The following EIF2B3 variants were observed in gnomAD, a reference collection of about 807,000 sequenced individuals.
The protein encoded by EIF2B3 is eukaryotic translation initiation factor 2B subunit gamma.
Under a neutral mutation model 54.1 loss-of-function variants are expected in EIF2B3, and 20 were observed. That is an observed-to-expected ratio of 0.37 (90% CI 0.26 to 0.54). The LOEUF (loss-of-function observed/expected upper bound fraction) is 0.54, where lower values mean the gene tolerates loss of function less well. EIF2B3 is among the 20% of genes least tolerant of loss of function. The probability of loss-of-function intolerance (pLI) is 0.86; values close to 1 mark genes in which losing one functional copy is unlikely to be tolerated. For synonymous variants in EIF2B3, 153 were observed against 188.1 expected (o/e 0.81, Z 1.52); for missense variants, 448 against 547.8 (o/e 0.82, Z 1.82).
At chr1:44,919,239 A>G (rs1338761731) in intron 5 of EIF2B3, among the ~76,000 whole-genome samples, 2 of 151,410 alleles carry the variant, frequency 1.3e-5, no homozygotes, top group East Asian at 3.9e-4. Flanking sequence ...AATCCCAACT[A>G]CTCGGGAGGC....
At chr1:44,852,648 G>A (rs1367974309) in intron 11 of EIF2B3, among the ~76,000 whole-genome samples, 2 of 151,908 alleles carry the variant, frequency 1.3e-5, no homozygotes, top group East Asian at 2.0e-4. Context: ...GCATGGTGGC[G>A]CATGCCTGTA....
At chr1:44,945,529 G>T (rs1644091239) in intron 3 of EIF2B3, among the ~76,000 whole-genome samples, 1 of 150,802 alleles carries the variant, frequency 6.6e-6, no homozygotes, top group African/African-American at 2.4e-5. Context: ...ACTCCAGCCT[G>T]GGTAACAGCG....
chr1:44,897,473 A>G (rs761034532), intron 5 of EIF2B3, 29 bp from the exon 6 acceptor site: 2 of 1,534,266 alleles, frequency 1.3e-6, no homozygotes, highest in Non-Finnish European at 1.8e-6. Context: ...TAAAAGAAAG[A>G]AAGAAGAGGC....
rs546285707 is a variant in EIF2B3, at chr1:44,982,148, A to G, written c.-9-971T>C. ...CAAACGTAGGCTTGTATCTGAACCT[A>G]GATTTACAGAACACAATTATAAAAA... On this transcript the variant is annotated intron_variant, in intron 1 of 11. Coordinates refer to ENST00000360403, the MANE Select transcript of EIF2B3 (RefSeq NM_020365.5). 1.7e-3 allele frequency among the ~76,000 whole-genome samples: 261 copies of G among 152,246 alleles called. 1 individual carries two copies. Among genetic ancestry groups the G allele is most frequent in the African/African-American group, 6.0e-3 (248 of 41,550 alleles).
At chr1:44,872,111 C>A (rs1198686268) in intron 10 of EIF2B3, among the ~76,000 whole-genome samples, 1 of 152,152 alleles carries the variant, frequency 6.6e-6, no homozygotes, top group African/African-American at 2.4e-5. Flanking sequence ...TGGCTCACTG[C>A]AGCCTTGACA....
At chr1:44,901,205 T>A (rs529899925) in intron 5 of EIF2B3, among the ~76,000 whole-genome samples, 2 of 151,656 alleles carry the variant, frequency 1.3e-5, no homozygotes, top group Non-Finnish European at 3.0e-5. Flanking sequence ...AACCCCTGCC[T>A]CCCAGGTTTA....
At chr1:44,925,667 C>A (rs1452020106) in intron 5 of EIF2B3, among the ~76,000 whole-genome samples, 3 of 152,212 alleles carry the variant, frequency 2.0e-5, no homozygotes, top group African/African-American at 7.2e-5. Flanking sequence ...TGGCTCACTC[C>A]TGTAATCCCC....
chr1:44,970,074 A>G (rs1172730336), intron 3 of EIF2B3: 1 of 152,172 alleles, frequency 6.6e-6, no homozygotes, highest in Non-Finnish European at 1.5e-5. Flanking sequence ...CCAGTAAATC[A>G]GTAAAATTGT....
rs776756653 is a variant in EIF2B3, at chr1:44,879,901, C to T, written c.892G>A (p.Val298Met). The T allele has an allele frequency of 2.8e-5, 46 of 1,614,082 alleles. No homozygotes were observed. Among genetic ancestry groups the T allele is most frequent in the Admixed American group, 3.3e-5 (2 of 59,994 alleles). Residue 298 changes from valine to methionine, a missense_variant, in exon 8 of 12, where the codon GTG becomes ATG. By Grantham distance (21) the Val-to-Met change is conservative (BLOSUM62 1). This residue lies in a region of EIF2B3 where 350 missense variants were observed against 414.2 expected (regional missense o/e 0.85). Coordinates refer to ENST00000360403, the MANE Select transcript of EIF2B3 (RefSeq NM_020365.5). Reference protein sequence around the residue: ...DRWEDLSRSQVRCYVHIMKEG... With the variant: ...DRWEDLSRSQMRCYVHIMKEG... The stretch of plus-strand genomic sequence containing the variant: ...TTCATGATGTGGACATAGCAGCGCA[C>T]CTGTGATCTGGACAAGTCTTCCCAC...
chr1:44,938,135 A>G (rs1226204674), intron 4 of EIF2B3, among the ~76,000 whole-genome samples: 6 of 152,088 alleles, frequency 3.9e-5, no homozygotes, highest in Non-Finnish European at 1.5e-5. Flanking sequence ...ATTAAACAAT[A>G]TCTGGGAAAC....
At chr1:44,958,656 G>T in intron 3 of EIF2B3, 1 of 1,591,958 alleles carries the variant, frequency 6.3e-7, no homozygotes, top group South Asian at 1.1e-5. Flanking sequence ...CATATTCTGT[G>T]ATCAGCATGG....
chr1:44,908,805 T>C (rs1053245202), intron 5 of EIF2B3, among the ~76,000 whole-genome samples: 1 of 152,060 alleles, frequency 6.6e-6, no homozygotes, highest in Admixed American at 6.6e-5. Context: ...AAGGCATAAA[T>C]GAAGGGACTG....
chr1:44,941,357 T>C, intron 4 of EIF2B3, 149 bp downstream of exon 4: 1 of 867,678 alleles, frequency 1.2e-6, no homozygotes, highest in South Asian at 1.9e-5. Context: ...ATTCAGGGAC[T>C]GTGTCTTATT....
At chr1:44,962,820 A>G (rs1209447619) in intron 3 of EIF2B3, among the ~76,000 whole-genome samples, 1 of 152,220 alleles carries the variant, frequency 6.6e-6, no homozygotes, top group Non-Finnish European at 1.5e-5. Flanking sequence ...AACAAATAAT[A>G]TTGGACAAAC....
At chr1:44,874,112 T>C (rs570016971) in intron 10 of EIF2B3, among the ~76,000 whole-genome samples, 1 of 152,282 alleles carries the variant, frequency 6.6e-6, no homozygotes, top group Non-Finnish European at 1.5e-5. Flanking sequence ...TTTGGAGCAT[T>C]TGATTTTGGG....
At chr1:44,854,199 C>T (rs1256998981) in intron 11 of EIF2B3, among the ~76,000 whole-genome samples, 1 of 151,984 alleles carries the variant, frequency 6.6e-6, no homozygotes, top group Admixed American at 6.6e-5. Context: ...GATGAGGTTT[C>T]ACCATGTTGG....
At chr1:44,978,942 C>G (rs954715406) in intron 2 of EIF2B3, among the ~76,000 whole-genome samples, 1 of 151,822 alleles carries the variant, frequency 6.6e-6, no homozygotes, top group Admixed American at 6.6e-5. Context: ...TGGCCTCCCC[C>G]CAATTAATTC....
intron 6 of EIF2B3, among the ~76,000 whole-genome samples, chr1:44,884,771 T>C (rs1434852424): frequency 1.3e-5 from 2 of 152,142 alleles, no homozygotes; most frequent in Admixed American, 1.3e-4. Flanking sequence ...TTCAGGGCCA[T>C]GATATTTACA....
At chr1:44,864,055 GA>G (rs1349516134) in intron 10 of EIF2B3, among the ~76,000 whole-genome samples, 2 of 152,126 alleles carry the variant, frequency 1.3e-5, no homozygotes, top group Non-Finnish European at 2.9e-5. Context: ...TCCCTCCTAA[GA>G]AATCTAAGTC....
Sources: allele counts gnomAD v4.1 joint callset (sites outside exome capture counted in the v4.1 genomes callset), GRCh38; gene constraint gnomAD v4.1.1; regional missense constraint gnomAD v4.1.1; transcripts MANE v1.5; gene names NCBI Gene and HGNC (gene_info 2026-07-23, HGNC 2026-07-21).